Variants in WFS1 observed in about 807,000 individuals in gnomAD.
WFS1 encodes the protein wolframin ER transmembrane glycoprotein, also known as wolframin.
WFS1 carries 90 observed loss-of-function variants against 68.5 expected under a neutral mutation model. That is an observed-to-expected ratio of 1.31 (90% CI 1.11 to 1.56). The LOEUF (loss-of-function observed/expected upper bound fraction) is 1.56, where lower values mean the gene tolerates loss of function less well. WFS1 is among the 40% of genes most tolerant of loss of function. WFS1 has a pLI of 0.00. For missense variants in WFS1, 1,767 were observed against 1,232.6 expected (o/e 1.43, Z -6.49); for synonymous variants, 860 against 540.7 (o/e 1.59, Z -8.19).
chr4:6,303,080 G>C lies in WFS1; in HGVS notation c.*612G>C, dbSNP rs1200249604. 2 of 157,536 alleles carry C rather than the reference G, an allele frequency of 1.3e-5. No homozygotes were observed. The highest frequency in any genetic ancestry group is 4.8e-5 in the African/African-American group (2 of 41,458). 9.8% of individuals were successfully genotyped at this position (157,536 alleles called of 1,614,324 possible). On this transcript the variant is annotated 3_prime_UTR_variant, in exon 8 of 8. Transcript: ENST00000226760. The stretch of plus-strand genomic sequence containing the variant: ...TGCCTCATGACCCTCCTGTCCAGCA[G>C]GTAGTGGGTGAATGTGTGAAGGTCT...
intron 2 of WFS1, among the ~76,000 whole-genome samples, chr4:6,279,936 T>G (rs1405065014): frequency 6.6e-6 from 1 of 152,252 alleles, no homozygotes; most frequent in African/African-American, 2.4e-5. Context: ...GAGGGGCTGC[T>G]TCAGAAACGT....
chr4:6,302,600 G>T lies in WFS1; in HGVS notation c.*132G>T. ...CAGACTGTGGCTGCAGAGACCTTGC[G>T]ACCATGTGTAGATTGCGTGGACCCC... On this transcript the variant is annotated 3_prime_UTR_variant, in exon 8 of 8. Transcript: ENST00000226760. The T allele has an allele frequency of 7.4e-7, 1 of 1,356,056 alleles. No homozygotes were observed. Among genetic ancestry groups the T allele is most frequent in the Non-Finnish European group, 1.0e-6 (1 of 993,962 alleles). The allele number at this position is 1,356,056 out of a possible 1,614,324, so 84.0% of individuals were successfully genotyped here. A position where few individuals can be genotyped will look rare whatever the true frequency, so the allele number is the denominator to read the frequency against.
Position 6,283,328 on chromosome 4 carries a change from G to T in WFS1, c.233-3765G>T, listed in dbSNP as rs1172512794. Among the ~76,000 whole-genome samples, 1 of 152,208 alleles carries T rather than the reference G, an allele frequency of 6.6e-6. No individual in the cohort carries two copies. Among genetic ancestry groups the T allele is most frequent in the Non-Finnish European group, 1.5e-5 (1 of 68,032 alleles). ...ATTGATAGGCAGACTTTCAAAGAAT[G>T]AGTTAGATTCAGGACCCTTTTAGTT... On this transcript the variant is annotated intron_variant, in intron 2 of 7. Coordinates refer to ENST00000226760, the MANE Select transcript of WFS1 (RefSeq NM_006005.3). The surrounding 1 kb of genome is among the most constrained non-coding windows in gnomAD (Gnocchi z 5.0).
chr4:6,282,303 C>T (rs1361257155), intron 2 of WFS1, among the ~76,000 whole-genome samples: 2 of 152,352 alleles, frequency 1.3e-5, no homozygotes, highest in Non-Finnish European at 2.9e-5. Flanking sequence ...GGGGGATGCG[C>T]CGGTGGTGCA....
At chr4:6,278,003 G>A (rs1236761333) in intron 2 of WFS1, among the ~76,000 whole-genome samples, 5 of 152,220 alleles carry the variant, frequency 3.3e-5, no homozygotes, top group African/African-American at 2.4e-5. Context: ...GTAAATTCAC[G>A]GGCCCTCTGT....
chr4:6,302,000 C>T lies in WFS1; in HGVS notation c.2205C>T (p.Tyr735=), dbSNP rs71530911. 1,133 of 1,612,654 alleles carry T rather than the reference C, an allele frequency of 7.0e-4. 7 individuals carry two copies. In the African/African-American group the frequency reaches 8.5e-3, roughly 12 times the overall value. Residue 735 remains tyrosine, a synonymous_variant, in exon 8 of 8, where the codon TAC becomes TAT. Coordinates refer to ENST00000226760, the MANE Select transcript of WFS1 (RefSeq NM_006005.3). ...TCGGCGACTGGATGCGCTGCCTCTA[C>T]GGCGAGGCCTACCCTGCCTGCAGCC... The part of the protein sequence containing the change: ...FFIGDWMRCL[Y]GEAYPACSPG...
chr4:6,292,629 T>G (rs1218834134), intron 6 of WFS1, among the ~76,000 whole-genome samples: 1 of 152,076 alleles, frequency 6.6e-6, no homozygotes, highest in Non-Finnish European at 1.5e-5. Context: ...TGGGGTAGAC[T>G]CTGCAGTCTG....
In WFS1 at chr4:6,300,843, T is replaced by A. The variant is rs1730860310; in HGVS notation, c.1048T>A (p.Phe350Ile). 1 of 1,614,096 alleles carries A rather than the reference T, an allele frequency of 6.2e-7. No homozygotes were observed. Among genetic ancestry groups the A allele is most frequent in the African/African-American group, 1.3e-5 (1 of 75,024 alleles). ...CGCCTTCTTCATCCCGCTGGTCATC[T>A]TCTACCTGTCCTTCATCTCCATGGT... ...FFAFFIPLVI[F>I]YLSFISMVIC... Residue 350 changes from phenylalanine (F) to isoleucine (I), a missense_variant, in exon 8 of 8, where the codon TTC becomes ATC. By Grantham distance (21) the Phe-to-Ile change is conservative. Transcript: ENST00000226760.
chr4:6,291,221 AG>A lies in WFS1; in HGVS notation c.487del (p.Val163Ter). 6.2e-7 allele frequency: 1 copy of A among 1,612,602 alleles called. No individual in the cohort carries two copies. The highest frequency in any genetic ancestry group is 8.5e-7 in the Non-Finnish European group (1 of 1,179,950). ...RRGITSENER[E>X]VRQLSSETDL... ...GGCATCACGTCCGAGAACGAACGGG[AG>A]GTGAGGCAGCTCTCCTCCGAGACCG... On this transcript the variant is annotated frameshift_variant, in exon 5 of 8. Coordinates refer to ENST00000226760, the MANE Select transcript of WFS1 (RefSeq NM_006005.3). LOFTEE classifies it high-confidence loss of function.
chr4:6,270,432 C>T lies in WFS1; in HGVS notation c.-6+418C>T, dbSNP rs562426549. ...CGGCCGCCCTCGGTGCCCGCCCGGC[C>T]GTTGGAACGCGCCTGGGCCCCCGGG... On this transcript the variant is annotated intron_variant, in intron 1 of 7. Transcript: ENST00000226760. 9.6e-4 allele frequency among the ~76,000 whole-genome samples: 146 copies of T among 151,332 alleles called. 4 individuals carry two copies. The South Asian group carries it at 0.029, about 30-fold the overall frequency.
At position 6,288,989 on chromosome 4, in the gene WFS1, G is replaced by A. The variant is rs754688782; in HGVS notation, c.318G>A (p.Val106=). The A allele has an allele frequency of 1.9e-6, 3 of 1,608,308 alleles. No individual in the cohort carries two copies. The highest frequency in any genetic ancestry group is 1.1e-5 in the South Asian group (1 of 89,496). The change falls in exon 4 of 8, where the codon GTG becomes GTA. Residue 106 remains valine, a splice_region_variant and synonymous_variant. Transcript: ENST00000226760. The part of the protein sequence containing the change: ...KAGDPKAQTE[V]GKHYLQLAGD... ...GCTGACTGGTGTCTGGCTTGCAGGT[G>A]GGGAAGCACTACCTGCAGTTGGCCG...
At chr4:6,288,507 C>T (rs1290079130) in intron 3 of WFS1, 1 of 244,826 alleles carries the variant, frequency 4.1e-6, no homozygotes, top group Non-Finnish European at 8.1e-6. Context: ...GCATGGACAA[C>T]ATGTAAATGA....
At chr4:6,286,370 G>C (rs970095680) in intron 2 of WFS1, among the ~76,000 whole-genome samples, 1 of 152,182 alleles carries the variant, frequency 6.6e-6, no homozygotes, top group Non-Finnish European at 1.5e-5. Flanking sequence ...CTTCCACCCT[G>C]TGAGGACACA....
chr4:6,282,423 C>T (rs532992864), intron 2 of WFS1, among the ~76,000 whole-genome samples: 69 of 152,132 alleles, frequency 4.5e-4, no homozygotes, highest in African/African-American at 1.5e-3. Flanking sequence ...GTGGGCGTCA[C>T]GAGAGGCGCA....
rs1405366968 is a variant in WFS1, at chr4:6,291,101, C to T, written c.461-96C>T. 16 of 1,413,904 alleles carry T rather than the reference C, an allele frequency of 1.1e-5. No homozygotes were observed. In the East Asian group the frequency reaches 2.1e-4, roughly 18 times the overall value. 87.6% of individuals were successfully genotyped at this position (1,413,904 alleles called of 1,614,324 possible). On this transcript the variant is annotated intron_variant, in intron 4 of 7. Transcript: ENST00000226760. ...AAGTCCTGACACCTTCTATGAGTCT[C>T]GCTCGAAAGCCTTCCAGGCAGAGTT...
intron 2 of WFS1, among the ~76,000 whole-genome samples, chr4:6,286,835 C>T (rs186593400): frequency 2.6e-5 from 4 of 152,248 alleles, no homozygotes; most frequent in Admixed American, 1.3e-4. Flanking sequence ...CCACCCCGAG[C>T]GCTTTGAGTT....
chr4:6,293,896 A>G (rs1730547743), intron 6 of WFS1, among the ~76,000 whole-genome samples: 2 of 152,078 alleles, frequency 1.3e-5, no homozygotes, highest in South Asian at 4.2e-4. Context: ...TGCTCCTTCC[A>G]CATCTCCTGT....
chr4:6,277,648 G>A lies in WFS1; in HGVS notation c.193G>A (p.Ala65Thr). 1 of 1,567,110 alleles carries A rather than the reference G, an allele frequency of 6.4e-7. No homozygotes were observed. The highest frequency in any genetic ancestry group is 8.6e-7 in the Non-Finnish European group (1 of 1,156,406). ...RDAAAPAEPQ[A>T]QHTRSRERAD... ...CGCAGCGGCCCCCGCTGAACCCCAGGCCCAGCATACCAGGAGCCGGGAAAG... is the reference window on the plus strand; with the variant it reads ...CGCAGCGGCCCCCGCTGAACCCCAGACCCAGCATACCAGGAGCCGGGAAAG... Residue 65 changes from alanine to threonine, a missense_variant, in exon 2 of 8, where the codon GCC (alanine) becomes ACC (threonine). Transcript: ENST00000226760.
intron 4 of WFS1, 109 bp from the exon 5 acceptor site, chr4:6,291,088 C>A (rs1470661050): frequency 1.6e-6 from 2 of 1,289,152 alleles, no homozygotes; most frequent in African/African-American, 1.5e-5. Flanking sequence ...GTCCTGACAC[C>A]TTCTATGAGT....
Sources: allele counts gnomAD v4.1 joint callset (sites outside exome capture counted in the v4.1 genomes callset), GRCh38; gene constraint gnomAD v4.1.1; non-coding constraint Gnocchi (gnomAD v3.1); transcripts MANE v1.5; gene names NCBI Gene and HGNC (gene_info 2026-07-23, HGNC 2026-07-21).